TENM3: variants seen among roughly 807,000 people sequenced by gnomAD.
The protein encoded by TENM3 is teneurin transmembrane protein 3.
In TENM3, 63 loss-of-function variants were observed where a neutral mutation model predicts 255.1. The ratio of observed to expected loss-of-function variants is 0.25; its 90% CI spans 0.20 to 0.30. The LOEUF (loss-of-function observed/expected upper bound fraction) is 0.30, where lower values mean the gene tolerates loss of function less well. Ranked by LOEUF, TENM3 falls within the 10% of genes least tolerant of loss-of-function variation. The pLI is 1.00. For missense variants in TENM3, 2,929 were observed against 3,461.1 expected (o/e 0.85, Z 3.86); for synonymous variants, 1,306 against 1,322.3 (o/e 0.99, Z 0.27).
At chr4:181,959,289 A>C in the TENM3 span, among the ~76,000 whole-genome samples, 5,231 of 152,194 alleles carry the variant, frequency 0.034, 302 homozygotes, top group African/African-American at 0.12. Context: ...TAATTACAGG[A>C]ATCTATGAGT....
the TENM3 span, among the ~76,000 whole-genome samples, chr4:181,844,830 C>T: frequency 6.6e-6 from 1 of 152,126 alleles, no homozygotes; most frequent in African/African-American, 2.4e-5. Flanking sequence ...ATCAATCTAG[C>T]TTGTCCATAA....
chr4:182,147,730 A>G (rs1750065353), intron 1 of TENM3, among the ~76,000 whole-genome samples: 1 of 152,124 alleles, frequency 6.6e-6, no homozygotes, highest in Non-Finnish European at 1.5e-5. Flanking sequence ...TTTGCCACCA[A>G]ACGTTTACCG....
chr4:181,870,395 G>A, the TENM3 span, among the ~76,000 whole-genome samples: 5 of 152,072 alleles, frequency 3.3e-5, no homozygotes, highest in African/African-American at 9.7e-5. Context: ...CAGTATTTTC[G>A]GGTCTTTGTC....
chr4:181,585,548 G>A, the TENM3 span, among the ~76,000 whole-genome samples: 571 of 152,190 alleles, frequency 3.8e-3, 7 homozygotes, highest in African/African-American at 0.013. Flanking sequence ...CTTTCCCTCC[G>A]GCAAGGCAAA....
intron 1 of TENM3, among the ~76,000 whole-genome samples, chr4:182,322,958 G>A (rs1763149199): frequency 6.6e-6 from 1 of 152,108 alleles, no homozygotes; most frequent in Non-Finnish European, 1.5e-5. Context: ...TGGGGTGGGA[G>A]GAAAACACGA....
intron 1 of TENM3, among the ~76,000 whole-genome samples, chr4:182,307,539 C>G (rs376923554): frequency 6.6e-6 from 1 of 152,252 alleles, no homozygotes; most frequent in South Asian, 2.1e-4. Context: ...AATGCTCCAT[C>G]CAAATTAAAT....
At chr4:181,575,073 A>G in the TENM3 span, among the ~76,000 whole-genome samples, 2 of 152,224 alleles carry the variant, frequency 1.3e-5, no homozygotes, top group African/African-American at 4.8e-5. Context: ...TAAAACATAA[A>G]GTAAAATTCT....
At chr4:181,960,861 C>G in the TENM3 span, among the ~76,000 whole-genome samples, 1 of 152,112 alleles carries the variant, frequency 6.6e-6, no homozygotes, top group Non-Finnish European at 1.5e-5. Flanking sequence ...TTTTATTTCT[C>G]CCACAAGATT....
At chr4:181,856,845 G>C in the TENM3 span, among the ~76,000 whole-genome samples, 1 of 152,128 alleles carries the variant, frequency 6.6e-6, no homozygotes, top group Non-Finnish European at 1.5e-5. Flanking sequence ...TCTGGGCCAC[G>C]GCAGCACCTG....
intron 3 of TENM3, among the ~76,000 whole-genome samples, chr4:182,600,377 T>C (rs1747709529): frequency 6.6e-6 from 1 of 152,334 alleles, no homozygotes; most frequent in East Asian, 1.9e-4. Context: ...TAGTAGATCA[T>C]AGTGCAGATC....
At chr4:181,938,443 A>T in the TENM3 span, among the ~76,000 whole-genome samples, 7 of 152,236 alleles carry the variant, frequency 4.6e-5, no homozygotes, top group African/African-American at 1.7e-4. Flanking sequence ...GGGATCAGAG[A>T]TAATACACAA....
At chr4:181,584,628 A>C in the TENM3 span, among the ~76,000 whole-genome samples, 1 of 152,198 alleles carries the variant, frequency 6.6e-6, no homozygotes, top group Non-Finnish European at 1.5e-5. Flanking sequence ...CCTACCCCTA[A>C]GTTAAAGAAC....
intron 1 of TENM3, among the ~76,000 whole-genome samples, chr4:182,270,469 C>T (rs1168551146): frequency 2.0e-5 from 3 of 152,084 alleles, no homozygotes; most frequent in Non-Finnish European, 2.9e-5. Context: ...TCTATTTTAA[C>T]GTTAGTGCTG....
chr4:182,776,062 A>T (rs1764671689), intron 24 of TENM3, among the ~76,000 whole-genome samples: 1 of 151,904 alleles, frequency 6.6e-6, no homozygotes, highest in African/African-American at 2.4e-5. Context: ...AATTTACCCT[A>T]TACTACCTCT....
chr4:182,381,730 T>G (rs1767585886), intron 3 of TENM3, among the ~76,000 whole-genome samples: 1 of 151,988 alleles, frequency 6.6e-6, no homozygotes, highest in African/African-American at 2.4e-5. Flanking sequence ...CCCGGCTAAT[T>G]GTGTATTTTT....
At chr4:181,771,772 C>T in the TENM3 span, among the ~76,000 whole-genome samples, 1 of 152,210 alleles carries the variant, frequency 6.6e-6, no homozygotes, top group South Asian at 2.1e-4. Context: ...CCCAGTGATG[C>T]AGACGCTGCC....
At chr4:181,671,775 CATGAGCA>C in the TENM3 span, among the ~76,000 whole-genome samples, 2 of 151,888 alleles carry the variant, frequency 1.3e-5, no homozygotes, top group African/African-American at 4.8e-5. Flanking sequence ...CATTTCCTGC[CATGAGCA>C]AAGGGCTTGG....
chr4:181,617,422 TAACA>T, the TENM3 span, among the ~76,000 whole-genome samples: 1 of 152,086 alleles, frequency 6.6e-6, no homozygotes, highest in African/African-American at 2.4e-5. Flanking sequence ...CCTGCAAAGG[TAACA>T]AACATTTTAG....
At chr4:182,641,075 A>C (rs1472587940) in intron 5 of TENM3, among the ~76,000 whole-genome samples, 1 of 152,230 alleles carries the variant, frequency 6.6e-6, no homozygotes, top group African/African-American at 2.4e-5. Context: ...TTGATAAGGC[A>C]GATACCCACT....
Sources: allele counts gnomAD v4.1 joint callset (sites outside exome capture counted in the v4.1 genomes callset), GRCh38; gene constraint gnomAD v4.1.1; transcripts MANE v1.5; gene names NCBI Gene and HGNC (gene_info 2026-07-23, HGNC 2026-07-21).